The following CCBE1 variants were observed in gnomAD, a reference collection of about 807,000 sequenced individuals.
The protein encoded by CCBE1 is collagen and calcium-binding EGF domain-containing protein 1.
CCBE1 carries 37 observed loss-of-function variants against 50.0 expected under a neutral mutation model. The observed-to-expected ratio is 0.74, with a 90% confidence interval of 0.57 to 0.97. The LOEUF (loss-of-function observed/expected upper bound fraction) is 0.97, where lower values mean the gene tolerates loss of function less well. CCBE1 is among the 50% of genes least tolerant of loss of function. The pLI is 0.00. For synonymous variants in CCBE1, 234 were observed against 203.7 expected, an observed-to-expected ratio of 1.15 and a Z score of -1.27; for missense variants, 538 against 523.8, an observed-to-expected ratio of 1.03 and a Z score of -0.26.
intron 2 of CCBE1, among the ~76,000 whole-genome samples, chr18:59,645,168 G>A (rs2054040106): frequency 6.6e-6 from 1 of 152,214 alleles, no homozygotes; most frequent in Non-Finnish European, 1.5e-5. Context: ...GCAGTAGACT[G>A]CAGTGAGCCA....
chr18:59,488,800 G>T (rs1012829477), intron 2 of CCBE1, among the ~76,000 whole-genome samples: 1 of 152,118 alleles, frequency 6.6e-6, no homozygotes, highest in Admixed American at 6.5e-5. Context: ...AAGGCATCAA[G>T]AGCTTGGTAA....
intron 2 of CCBE1, among the ~76,000 whole-genome samples, chr18:59,569,649 GAGAC>G (rs1482399090): frequency 5.5e-5 from 8 of 146,540 alleles, no homozygotes; most frequent in African/African-American, 2.1e-4. Context: ...AAAAAAAAAA[GAGAC>G]AGGGTCTTGC....
At chr18:59,486,854 A>G (rs1384290598) in intron 2 of CCBE1, among the ~76,000 whole-genome samples, 1 of 152,024 alleles carries the variant, frequency 6.6e-6, no homozygotes, top group Non-Finnish European at 1.5e-5. Flanking sequence ...TACCCAAATA[A>G]AACAAGGAAA....
At chr18:59,502,541 C>G (rs910854959) in intron 2 of CCBE1, among the ~76,000 whole-genome samples, 4 of 152,152 alleles carry the variant, frequency 2.6e-5, no homozygotes, top group African/African-American at 9.7e-5. Flanking sequence ...AAGCCTTGTA[C>G]ATGGCACACT....
chr18:59,450,695 C>T (rs1910890724), intron 6 of CCBE1, among the ~76,000 whole-genome samples: 2 of 152,196 alleles, frequency 1.3e-5, no homozygotes, highest in Admixed American at 1.3e-4. Context: ...CCACCACACC[C>T]AACTAATTTT....
chr18:59,645,579 G>A (rs1269893722), intron 2 of CCBE1, among the ~76,000 whole-genome samples: 1 of 152,118 alleles, frequency 6.6e-6, no homozygotes, highest in African/African-American at 2.4e-5. Context: ...CCTACATTAA[G>A]ATGTTCAAAT....
intron 3 of CCBE1, among the ~76,000 whole-genome samples, chr18:59,471,553 C>T (rs1239926243): frequency 6.6e-6 from 1 of 152,134 alleles, no homozygotes; most frequent in Non-Finnish European, 1.5e-5. Context: ...TTCTTGAAGA[C>T]CTTTTTGTCT....
chr18:59,444,772 G>A (rs888126088), intron 7 of CCBE1, among the ~76,000 whole-genome samples: 6 of 152,046 alleles, frequency 3.9e-5, no homozygotes, highest in African/African-American at 1.4e-4. Context: ...GCATCTCACT[G>A]TAGTTTTGGT....
rs1909956869 is a variant in CCBE1 at position 59,431,853 on chromosome 18, C to G, written c.*4055G>C. 2.0e-5 allele frequency: 3 copies of G among 152,286 alleles called. No homozygotes were observed. The highest frequency in any genetic ancestry group is 2.9e-5 in the Non-Finnish European group (2 of 68,066). 9.4% of individuals were successfully genotyped at this position (152,286 alleles called of 1,614,324 possible). A position where few individuals can be genotyped will look rare whatever the true frequency, so the allele number is the denominator to read the frequency against. On this transcript the variant is annotated 3_prime_UTR_variant, in exon 11 of 11. Coordinates refer to ENST00000439986, the MANE Select transcript of CCBE1 (RefSeq NM_133459.4). ...AGAAGGTGAGAAAAGGCACCATTCT[C>G]TCTGCAGCCCCACTCACTTTTGGCA...
chr18:59,598,232 T>C (rs1317715073), intron 2 of CCBE1, among the ~76,000 whole-genome samples: 1 of 152,196 alleles, frequency 6.6e-6, no homozygotes, highest in African/African-American at 2.4e-5. Flanking sequence ...AAGCTTGAAG[T>C]AGTGGGGACT....
At chr18:59,456,894 C>T (rs1485459112) in intron 5 of CCBE1, among the ~76,000 whole-genome samples, 1 of 152,188 alleles carries the variant, frequency 6.6e-6, no homozygotes, top group Non-Finnish European at 1.5e-5. Context: ...AGTTTCAGAG[C>T]TTACCTGCTG....
At chr18:59,683,078 A>G (rs2054613424) in intron 2 of CCBE1, among the ~76,000 whole-genome samples, 1 of 152,226 alleles carries the variant, frequency 6.6e-6, no homozygotes, top group African/African-American at 2.4e-5. Context: ...ATATTTTCAT[A>G]TACTTTCCTA....
rs570221787 is a variant in CCBE1, at chr18:59,544,842, A to T, written c.213-64604T>A. On this transcript the variant is annotated intron_variant, in intron 2 of 10. Transcript: ENST00000439986. Reference sequence around the variant, plus strand: ...TTTGATTTATACCTATTTCTATATTAGTGTTAGGGAATGCAATGAGTAGTT... The same window carrying T: ...TTTGATTTATACCTATTTCTATATTTGTGTTAGGGAATGCAATGAGTAGTT... 7.2e-5 allele frequency among the ~76,000 whole-genome samples: 11 copies of T among 152,330 alleles called. No homozygotes were observed. The South Asian group carries it at 2.3e-3, about 32-fold the overall frequency.
intron 2 of CCBE1, among the ~76,000 whole-genome samples, chr18:59,583,678 TG>T (rs2053124610): frequency 3.4e-5 from 2 of 58,562 alleles, no homozygotes; most frequent in South Asian, 1.5e-3. Flanking sequence ...TGTGTGTGTG[TG>T]TGCGCGCGCG....
intron 2 of CCBE1, among the ~76,000 whole-genome samples, chr18:59,657,898 C>CAAG (rs1346968910): frequency 6.6e-6 from 1 of 151,734 alleles, no homozygotes; most frequent in African/African-American, 2.4e-5. Context: ...CAAACAACAA[C>CAAG]AACAACAACA....
chr18:59,522,057 T>G (rs1445048929), intron 2 of CCBE1, among the ~76,000 whole-genome samples: 1 of 152,180 alleles, frequency 6.6e-6, no homozygotes, highest in Non-Finnish European at 1.5e-5. Flanking sequence ...TATTAAATAT[T>G]TTGTGAACAC....
rs62092882 is a variant in CCBE1 at position 59,484,418 on chromosome 18, G to A, written c.213-4180C>T. ...AGATACAACCTCTGAGCTGTTTGAT[G>A]GCGTTTTAAAGTTCATGCAAATCAA... is the stretch of plus-strand genomic sequence containing the variant. On this transcript the variant is annotated intron_variant, in intron 2 of 10. Transcript: ENST00000439986. 6.6e-3 allele frequency among the ~76,000 whole-genome samples: 1,000 copies of A among 152,286 alleles called. 8 individuals are homozygous for A. The highest frequency in any genetic ancestry group is 9.7e-3 in the Non-Finnish European group (661 of 68,010).
intron 2 of CCBE1, among the ~76,000 whole-genome samples, chr18:59,634,105 A>G (rs1467487046): frequency 6.6e-6 from 1 of 152,250 alleles, no homozygotes; most frequent in East Asian, 1.9e-4. Flanking sequence ...AAAATCTGGA[A>G]TAAATGTGAC....
intron 2 of CCBE1, among the ~76,000 whole-genome samples, chr18:59,581,557 A>G (rs1393085867): frequency 6.6e-6 from 1 of 152,190 alleles, no homozygotes; most frequent in Non-Finnish European, 1.5e-5. Flanking sequence ...AATAAAGCAC[A>G]TTCTCATCTT....
Sources: allele counts gnomAD v4.1 joint callset (sites outside exome capture counted in the v4.1 genomes callset), GRCh38; gene constraint gnomAD v4.1.1; transcripts MANE v1.5; gene names NCBI Gene and HGNC (gene_info 2026-07-23, HGNC 2026-07-21).